The following SLIT3 variants were observed in gnomAD, a reference collection of about 807,000 sequenced individuals.
SLIT3 encodes the protein slit guidance ligand 3, also known as slit homolog 3 protein.
In SLIT3, 68 loss-of-function variants were observed where a neutral mutation model predicts 184.0. The ratio of observed to expected loss-of-function variants is 0.37; its 90% CI spans 0.30 to 0.45. The LOEUF (loss-of-function observed/expected upper bound fraction) is 0.45. SLIT3 is among the 20% of genes least tolerant of loss of function. The pLI, the probability that SLIT3 is intolerant of heterozygous loss-of-function variation, is 1.00. For missense variants in SLIT3, 1,707 were observed against 2,026.0 expected, an observed-to-expected ratio of 0.84 and a Z score of 3.02; for synonymous variants, 831 against 828.6, an observed-to-expected ratio of 1.00 and a Z score of -0.05.
chr5:168,703,257 T>C (rs1310349984), intron 26 of SLIT3, among the ~76,000 whole-genome samples: 1 of 150,360 alleles, frequency 6.7e-6, no homozygotes, highest in African/African-American at 2.4e-5. Flanking sequence ...TGTGTGTGTG[T>C]GTGTGTGTGT....
At chr5:168,807,917 C>T (rs1464334436) in intron 8 of SLIT3, among the ~76,000 whole-genome samples, 1 of 152,118 alleles carries the variant, frequency 6.6e-6, no homozygotes. Flanking sequence ...GTCCTCGTGG[C>T]CCCAAGGGTG....
intron 4 of SLIT3, among the ~76,000 whole-genome samples, chr5:169,123,714 C>T (rs934592983): frequency 2.0e-5 from 3 of 152,046 alleles, no homozygotes; most frequent in African/African-American, 7.3e-5. Context: ...ATGGTTTTAC[C>T]AGTATGATCC....
At chr5:168,685,628 C>T (rs1270983893) in intron 31 of SLIT3, 59 bp downstream of exon 31, 2 of 1,494,326 alleles carry the variant, frequency 1.3e-6, no homozygotes, top group African/African-American at 2.8e-5. Context: ...ATTTTCTGAA[C>T]TATCAGAGCT....
chr5:169,263,217 C>A (rs940122501), intron 1 of SLIT3, among the ~76,000 whole-genome samples: 1 of 152,100 alleles, frequency 6.6e-6, no homozygotes, highest in Non-Finnish European at 1.5e-5. Flanking sequence ...TGGTACTTGC[C>A]TATAGTCCCA....
chr5:169,073,351 C>T (rs982960819), intron 4 of SLIT3, among the ~76,000 whole-genome samples: 1 of 152,116 alleles, frequency 6.6e-6, no homozygotes, highest in Admixed American at 6.5e-5. Flanking sequence ...CCATGCTGCA[C>T]AAGGTTCAAT....
At chr5:168,856,766 C>CGTGTATGTGTGT (rs1554149427) in intron 5 of SLIT3, among the ~76,000 whole-genome samples, 14 of 132,932 alleles carry the variant, frequency 1.1e-4, no homozygotes, top group African/African-American at 4.0e-4. Flanking sequence ...CTGAGTTCCT[C>CGTGTATGTGTGT]GTGTGTGTGT....
At chr5:169,057,411 A>C (rs1758038874) in intron 4 of SLIT3, among the ~76,000 whole-genome samples, 1 of 152,186 alleles carries the variant, frequency 6.6e-6, no homozygotes, top group Admixed American at 6.5e-5. Context: ...GTGGCCTGGC[A>C]CCAGCATGGG....
intron 4 of SLIT3, among the ~76,000 whole-genome samples, chr5:168,907,835 T>TACAC (rs1761103347): frequency 6.7e-6 from 1 of 150,028 alleles, no homozygotes; most frequent in Non-Finnish European, 1.5e-5. Flanking sequence ...ATTACACACA[T>TACAC]ACACATATAA....
At chr5:168,868,820 C>A (rs1160085392) in intron 5 of SLIT3, among the ~76,000 whole-genome samples, 1 of 149,550 alleles carries the variant, frequency 6.7e-6, no homozygotes, top group Non-Finnish European at 1.5e-5. Context: ...AAGGATTAAT[C>A]ATCCTTATTT....
At position 168,724,555 on chromosome 5, in the gene SLIT3, C is replaced by A; in HGVS notation, c.2271-71G>T. 7 of 1,339,118 alleles carry A rather than the reference C, an allele frequency of 5.2e-6. No individual in the cohort carries two copies. The South Asian group carries it at 7.9e-5, about 15-fold the overall frequency. 83.0% of individuals were successfully genotyped at this position (1,339,118 alleles called of 1,614,324 possible). A position where few individuals can be genotyped will look rare whatever the true frequency, so the allele number is the denominator to read the frequency against. On this transcript the variant is annotated intron_variant, in intron 20 of 35. Coordinates refer to ENST00000519560, the MANE Select transcript of SLIT3 (RefSeq NM_003062.4). ...CAAATTCTCACCTTTTCAGAGAAGC[C>A]TCCCTGACTTTCCAGGCTGGATTAG...
intron 4 of SLIT3, among the ~76,000 whole-genome samples, chr5:169,187,470 G>T (rs1021775534): frequency 8.6e-5 from 13 of 151,994 alleles, no homozygotes; most frequent in African/African-American, 2.7e-4. Context: ...CCTGAATCTG[G>T]GATAGGTGGG....
intron 4 of SLIT3, among the ~76,000 whole-genome samples, chr5:169,001,375 G>T (rs909205930): frequency 1.3e-5 from 2 of 152,106 alleles, no homozygotes; most frequent in African/African-American, 4.8e-5. Context: ...TTGAAATGAA[G>T]GGAGAGGCAC....
intron 4 of SLIT3, among the ~76,000 whole-genome samples, chr5:169,124,188 G>T (rs191002034): frequency 2.0e-3 from 298 of 152,272 alleles, no homozygotes; most frequent in Non-Finnish European, 3.0e-3. Context: ...AGGACCCTCA[G>T]TTCTTTAGGA....
intron 6 of SLIT3, among the ~76,000 whole-genome samples, chr5:168,840,231 C>T (rs955628643): frequency 2.0e-5 from 3 of 152,172 alleles, no homozygotes; most frequent in African/African-American, 7.2e-5. Context: ...AGAGCATTTT[C>T]AGGATGTGTT....
At chr5:169,217,048 GC>G (rs1764458397) in intron 3 of SLIT3, among the ~76,000 whole-genome samples, 1 of 151,006 alleles carries the variant, frequency 6.6e-6, no homozygotes, top group African/African-American at 2.4e-5. Context: ...CCACAGCTTG[GC>G]CACATATTTA....
At chr5:169,087,923 T>C (rs1759376017) in intron 4 of SLIT3, among the ~76,000 whole-genome samples, 1 of 152,188 alleles carries the variant, frequency 6.6e-6, no homozygotes, top group Non-Finnish European at 1.5e-5. Flanking sequence ...TAGACCAACA[T>C]ATTGAGTTCT....
At chr5:168,963,099 C>T (rs112908749) in intron 4 of SLIT3, among the ~76,000 whole-genome samples, 51 of 152,346 alleles carry the variant, frequency 3.3e-4, no homozygotes, top group African/African-American at 1.2e-3. Context: ...CGAACTATGG[C>T]CTACGGGGCC....
chr5:168,756,670 G>A (rs909531868), intron 16 of SLIT3, among the ~76,000 whole-genome samples: 1 of 152,130 alleles, frequency 6.6e-6, no homozygotes, highest in African/African-American at 2.4e-5. Context: ...AATGCCCTGA[G>A]GAGACTGCCA....
intron 1 of SLIT3, among the ~76,000 whole-genome samples, chr5:169,279,549 T>C (rs1230539768): frequency 6.6e-6 from 1 of 152,216 alleles, no homozygotes; most frequent in African/African-American, 2.4e-5. Context: ...ATTACTACTA[T>C]GCCACCTTTT....
Sources: gnomAD v4.1 joint callset for allele counts (sites outside exome capture counted in the v4.1 genomes callset) on GRCh38, gnomAD v4.1.1 for gene constraint, MANE v1.5 for transcripts, NCBI Gene and HGNC (gene_info 2026-07-23, HGNC 2026-07-21) for gene names.